Variants in ZNF618 observed in about 807,000 individuals in gnomAD.
ZNF618 encodes the protein zinc finger protein 618.
Under a neutral mutation model 103.0 loss-of-function variants are expected in ZNF618, and 34 were observed. That is an observed-to-expected ratio of 0.33 (90% CI 0.25 to 0.44). The LOEUF (loss-of-function observed/expected upper bound fraction) is 0.44, where lower values mean the gene tolerates loss of function less well. Among genes scored for constraint, ZNF618 ranks in the 20% least tolerant of loss-of-function variants. The probability of loss-of-function intolerance (pLI) is 1.00; values close to 1 mark genes in which losing one functional copy is unlikely to be tolerated. For missense variants in ZNF618, 1,059 were observed against 1,295.4 expected (o/e 0.82, Z 2.80); for synonymous variants, 551 against 542.2 (o/e 1.02, Z -0.23).
At chr9:114,016,151 G>C in intron 9 of ZNF618, 1 of 1,613,682 alleles carries the variant, frequency 6.2e-7, no homozygotes. Flanking sequence ...GAAGAAAGAA[G>C]TTAGGCAGTG....
chr9:114,016,686 C>T lies in ZNF618; in HGVS notation c.755-9C>T, dbSNP rs774053189. The T allele has an allele frequency of 1.9e-6, 3 of 1,612,862 alleles. No homozygotes were observed. The highest frequency in any genetic ancestry group is 2.2e-5 in the South Asian group (2 of 90,940). ...CACATTCTTACACCTTCGTTTCCTTCCTGGACAGAAACTGGCAATTACACC... is the reference window on the plus strand; with the variant it reads ...CACATTCTTACACCTTCGTTTCCTTTCTGGACAGAAACTGGCAATTACACC... On this transcript the variant is annotated splice_polypyrimidine_tract_variant and intron_variant, in intron 9 of 14. Coordinates refer to ENST00000374126, the MANE Select transcript of ZNF618 (RefSeq NM_001318042.2).
At position 114,036,451 on chromosome 9, in the gene ZNF618, C is replaced by A. The variant is rs1177999883; in HGVS notation, c.1246+74C>A. ...AATTGAAGAGATGGTTAGGGCCTGA[C>A]CTGAGGCCCCTGGAGAAGGCCGCTC... On this transcript the variant is annotated intron_variant, in intron 13 of 14. Transcript: ENST00000374126. 2.8e-6 allele frequency: 4 copies of A among 1,444,426 alleles called. No homozygotes were observed. In the African/African-American group the frequency reaches 5.7e-5, roughly 20 times the overall value. 89.5% of individuals were successfully genotyped at this position (1,444,426 alleles called of 1,614,324 possible).
chr9:113,943,353 G>A (rs986573225), intron 1 of ZNF618, among the ~76,000 whole-genome samples: 1 of 152,166 alleles, frequency 6.6e-6, no homozygotes, highest in African/African-American at 2.4e-5. Context: ...GGGAGAGAGG[G>A]AAGAGAAGGG....
chr9:114,016,802 G>C lies in ZNF618; in HGVS notation c.844+18G>C, dbSNP rs1173650818. On this transcript the variant is annotated intron_variant, in intron 10 of 14. Coordinates refer to ENST00000374126, the MANE Select transcript of ZNF618 (RefSeq NM_001318042.2). ...CCCCATCAGTGAGTACCTCCTCCCGGTAGGGATGGGGGTTGGGGGACCCGG... is the reference window on the plus strand; with the variant it reads ...CCCCATCAGTGAGTACCTCCTCCCGCTAGGGATGGGGGTTGGGGGACCCGG... 6.3e-7 allele frequency: 1 copy of C among 1,597,050 alleles called. No homozygotes were observed.
chr9:113,977,506 G>A (rs150752825), intron 2 of ZNF618, among the ~76,000 whole-genome samples: 218 of 152,268 alleles, frequency 1.4e-3, no homozygotes, highest in Middle Eastern at 0.01. Flanking sequence ...CATGTGTGCA[G>A]GATGGTCTTT....
chr9:114,048,046 G>A, intron 14 of ZNF618, 52 bp downstream of exon 14: 1 of 1,439,504 alleles, frequency 6.9e-7, no homozygotes, highest in Non-Finnish European at 9.5e-7. Context: ...TGCTCCAGTT[G>A]TTCCTCTCTG....
At chr9:113,887,540 C>T (rs1587935555) in intron 1 of ZNF618, among the ~76,000 whole-genome samples, 2 of 152,158 alleles carry the variant, frequency 1.3e-5, no homozygotes, top group Admixed American at 1.3e-4. Flanking sequence ...ACATTGGGGG[C>T]TGTGGACTTT....
At chr9:114,023,685 T>C (rs951155706) in intron 10 of ZNF618, among the ~76,000 whole-genome samples, 3 of 152,156 alleles carry the variant, frequency 2.0e-5, no homozygotes, top group African/African-American at 7.2e-5. Context: ...AAGCTGAAGA[T>C]GTTTTTATTT....
chr9:113,908,073 C>T (rs1273706712), intron 1 of ZNF618, among the ~76,000 whole-genome samples: 1 of 152,168 alleles, frequency 6.6e-6, no homozygotes, highest in Admixed American at 6.5e-5. Flanking sequence ...GAAACAGTGA[C>T]ACCCAGAGCC....
chr9:113,923,953 A>G (rs1832861563), intron 1 of ZNF618, among the ~76,000 whole-genome samples: 2 of 152,088 alleles, frequency 1.3e-5, no homozygotes, highest in Admixed American at 1.3e-4. Flanking sequence ...GGCAGTCAAC[A>G]AGTTTCAGAT....
intron 1 of ZNF618, among the ~76,000 whole-genome samples, chr9:113,889,163 C>T (rs376056356): frequency 1.3e-5 from 2 of 152,126 alleles, no homozygotes; most frequent in South Asian, 4.1e-4. Context: ...GGCAGTGGCT[C>T]AGTTGGTCAG....
intron 1 of ZNF618, among the ~76,000 whole-genome samples, chr9:113,946,517 C>T (rs1835048776): frequency 6.6e-6 from 1 of 152,108 alleles, no homozygotes; most frequent in Admixed American, 6.5e-5. Context: ...CAGCCCTTCA[C>T]TCCTTCAAGA....
chr9:114,008,332 G>A lies in ZNF618; in HGVS notation c.641-12G>A, dbSNP rs1841936614. On this transcript the variant is annotated splice_polypyrimidine_tract_variant and intron_variant, in intron 7 of 14. Coordinates refer to ENST00000374126, the MANE Select transcript of ZNF618 (RefSeq NM_001318042.2). ...TTTCCTTCTGCGGCTGCCGCCTCCT[G>A]CCCGGGCGCAGTGTTTAGTGTGGAA... 6.2e-7 allele frequency: 1 copy of A among 1,613,410 alleles called. No homozygotes were observed. The highest frequency in any genetic ancestry group is 8.5e-7 in the Non-Finnish European group (1 of 1,179,872).
intron 6 of ZNF618, 79 bp downstream of exon 6, chr9:114,002,741 C>A: frequency 6.6e-7 from 1 of 1,509,136 alleles, no homozygotes. Context: ...TTGTCCCCTC[C>A]CCCAGAACTG....
At position 114,050,992 on chromosome 9, in the gene ZNF618, TAA is replaced by T. The variant is rs1427343618; in HGVS notation, c.*826_*827del. 1 of 152,662 alleles carries T rather than the reference TAA, an allele frequency of 6.6e-6. No individual in the cohort carries two copies. The highest frequency in any genetic ancestry group is 1.9e-4 in the East Asian group (1 of 5,202). 9.5% of individuals were successfully genotyped at this position (152,662 alleles called of 1,614,324 possible). On this transcript the variant is annotated 3_prime_UTR_variant, in exon 15 of 15. Transcript: ENST00000374126. ...AAAGCTGACATTTTGCTTTTTAATATAAGAGAGGAGAAAAAGACATTTTTCAG... is the reference window on the plus strand; with the variant it reads ...AAAGCTGACATTTTGCTTTTTAATATGAGAGGAGAAAAAGACATTTTTCAG...
intron 1 of ZNF618, among the ~76,000 whole-genome samples, chr9:113,948,991 G>A (rs1224760992): frequency 3.9e-5 from 6 of 152,230 alleles, no homozygotes; most frequent in African/African-American, 9.6e-5. Flanking sequence ...ACTCAAGGAC[G>A]GTGGGCAGTT....
Position 114,050,183 on chromosome 9 carries a change from GAAAA to G in ZNF618, c.*22_*25del, listed in dbSNP as rs748775551. 6.8e-7 allele frequency: 1 copy of G among 1,476,174 alleles called. No homozygotes were observed. The highest frequency in any genetic ancestry group is 1.4e-5 in the African/African-American group (1 of 70,076). 91.4% of individuals were successfully genotyped at this position (1,476,174 alleles called of 1,614,324 possible). A position where few individuals can be genotyped will look rare whatever the true frequency, so the allele number is the denominator to read the frequency against. ...CATGCTTTAAGACTTGACTTCGGGG[GAAAA>G]AAAAAGAAAAAGAGAAGATAACATT... On this transcript the variant is annotated 3_prime_UTR_variant, in exon 15 of 15. Coordinates refer to ENST00000374126, the MANE Select transcript of ZNF618 (RefSeq NM_001318042.2).
rs1846041530 is a variant in ZNF618 at position 114,050,336 on chromosome 9, G to A, written c.*169G>A. ...TTTATATGTGTGTGTGTGCGTGTAT[G>A]TACACAGCCACACGTGTGTGCACGT... On this transcript the variant is annotated 3_prime_UTR_variant, in exon 15 of 15. Coordinates refer to ENST00000374126, the MANE Select transcript of ZNF618 (RefSeq NM_001318042.2). The A allele has an allele frequency of 1.3e-6, 1 of 746,430 alleles. No individual in the cohort carries two copies. Among genetic ancestry groups the A allele is most frequent in the Non-Finnish European group, 2.1e-6 (1 of 480,690 alleles). The allele number at this position is 746,430 out of a possible 1,614,324, so 46.2% of individuals were successfully genotyped here. A position where few individuals can be genotyped will look rare whatever the true frequency, so the allele number is the denominator to read the frequency against.
intron 1 of ZNF618, among the ~76,000 whole-genome samples, chr9:113,938,728 C>G (rs1834268787): frequency 6.6e-6 from 1 of 151,862 alleles, no homozygotes; most frequent in Non-Finnish European, 1.5e-5. Context: ...ACCACCATGC[C>G]CGGCTAATGT....
Sources: allele counts gnomAD v4.1 joint callset (sites outside exome capture counted in the v4.1 genomes callset), GRCh38; gene constraint gnomAD v4.1.1; transcripts MANE v1.5; gene names NCBI Gene and HGNC (gene_info 2026-07-23, HGNC 2026-07-21).